RBMS3: variants seen among roughly 807,000 people sequenced by gnomAD.
RBMS3 encodes RNA-binding motif, single-stranded-interacting protein 3.
A neutral mutation model predicts 66.8 loss-of-function variants in RBMS3; 27 were observed. The observed-to-expected ratio is 0.40, with a 90% CI of 0.30 to 0.56. RBMS3 has a LOEUF of 0.56. Among genes scored for constraint, RBMS3 ranks in the 20% least tolerant of loss-of-function variants. The pLI, the probability that RBMS3 is intolerant of heterozygous loss-of-function variation, is 0.40. For missense variants in RBMS3, 513 were observed against 549.5 expected (o/e 0.93, Z 0.66); for synonymous variants, 188 against 183.0 (o/e 1.03, Z -0.22).
intron 4 of RBMS3, among the ~76,000 whole-genome samples, chr3:29,710,523 C>T (rs948271396): frequency 2.0e-5 from 3 of 152,248 alleles, no homozygotes; most frequent in Middle Eastern, 3.4e-3. Flanking sequence ...GCACAGCATT[C>T]GGGGTCAGGC....
chr3:29,610,975 A>C (rs1480684040), intron 4 of RBMS3, among the ~76,000 whole-genome samples: 1 of 152,042 alleles, frequency 6.6e-6, no homozygotes, highest in Non-Finnish European at 1.5e-5. Flanking sequence ...GGATTTGTCA[A>C]GTCTTTGGTG....
chr3:29,840,845 T>A (rs896082151), intron 6 of RBMS3, among the ~76,000 whole-genome samples: 2 of 151,972 alleles, frequency 1.3e-5, no homozygotes, highest in African/African-American at 4.8e-5. Context: ...TTTGCTCCCA[T>A]GCATGGATTT....
chr3:29,317,976 A>T (rs888616628), intron 1 of RBMS3, among the ~76,000 whole-genome samples: 5 of 151,442 alleles, frequency 3.3e-5, no homozygotes, highest in African/African-American at 1.2e-4. Flanking sequence ...ATCTTAGTTA[A>T]TTTTTTTCCC....
chr3:29,543,892 A>C (rs2045855657), intron 3 of RBMS3, among the ~76,000 whole-genome samples: 2 of 152,130 alleles, frequency 1.3e-5, no homozygotes, highest in South Asian at 4.1e-4. Flanking sequence ...AAAATAGAAA[A>C]TATAATTATT....
At chr3:29,448,851 A>C (rs1002855727) in intron 2 of RBMS3, among the ~76,000 whole-genome samples, 1 of 152,230 alleles carries the variant, frequency 6.6e-6, no homozygotes, top group Admixed American at 6.5e-5. Flanking sequence ...AGGCACTAAG[A>C]GGTTAAACAA....
intron 6 of RBMS3, among the ~76,000 whole-genome samples, chr3:29,771,904 A>G (rs1350685841): frequency 6.6e-6 from 1 of 151,996 alleles, no homozygotes; most frequent in Non-Finnish European, 1.5e-5. Context: ...ATCTGCCCCC[A>G]TGATCCAGTC....
intron 3 of RBMS3, among the ~76,000 whole-genome samples, chr3:29,549,968 T>A (rs1288865436): frequency 2.6e-5 from 4 of 152,066 alleles, no homozygotes; most frequent in African/African-American, 7.2e-5. Flanking sequence ...TTAAAAAAAA[T>A]GAAACAAAAA....
Position 29,856,702 on chromosome 3 carries a change from T to C in RBMS3, c.638-12156T>C, listed in dbSNP as rs548364285. Among the ~76,000 whole-genome samples the C allele has an allele frequency of 2.0e-5, 3 of 152,326 alleles. No individual in the cohort carries two copies. The East Asian group carries it at 5.8e-4, about 29-fold the overall frequency. On this transcript the variant is annotated intron_variant, in intron 6 of 14. Coordinates refer to ENST00000383767, the MANE Select transcript of RBMS3 (RefSeq NM_001003793.3). The stretch of plus-strand genomic sequence containing the variant: ...CTAGCACTAAACTAGTTTATCACTT[T>C]GTTTCTATAGCACAGAAGGGTGGGT...
chr3:29,332,402 ACT>A (rs1358288538), intron 1 of RBMS3, among the ~76,000 whole-genome samples: 1 of 151,978 alleles, frequency 6.6e-6, no homozygotes, highest in East Asian at 1.9e-4. Context: ...TCTTGCTCTC[ACT>A]CTGTGTCATC....
chr3:29,961,851 G>A (rs914325667), intron 12 of RBMS3, among the ~76,000 whole-genome samples: 12 of 151,554 alleles, frequency 7.9e-5, no homozygotes, highest in Non-Finnish European at 1.3e-4. Context: ...GATTTGGGTG[G>A]GGACACAGCA....
chr3:29,687,005 A>G (rs758096497), intron 4 of RBMS3, among the ~76,000 whole-genome samples: 12 of 152,312 alleles, frequency 7.9e-5, no homozygotes, highest in Non-Finnish European at 1.6e-4. Flanking sequence ...CTCTACAAGT[A>G]TATCATCAGT....
chr3:29,636,727 C>T (rs975563071), intron 4 of RBMS3, among the ~76,000 whole-genome samples: 9 of 151,878 alleles, frequency 5.9e-5, no homozygotes, highest in South Asian at 4.1e-4. Context: ...TTGCGCAGCA[C>T]GACTTCACAT....
At chr3:29,988,720 C>T (rs982809346) in intron 13 of RBMS3, among the ~76,000 whole-genome samples, 12 of 151,812 alleles carry the variant, frequency 7.9e-5, no homozygotes, top group African/African-American at 2.4e-4. Context: ...ACCAGAAGTT[C>T]GAGACCAGCC....
intron 14 of RBMS3, among the ~76,000 whole-genome samples, chr3:29,997,197 A>T (rs1402244871): frequency 6.6e-6 from 1 of 152,040 alleles, no homozygotes; most frequent in African/African-American, 2.4e-5. Context: ...GGACACATAC[A>T]CTCTCTCAAG....
At chr3:29,995,330 A>AAAAC (rs1330141350) in intron 14 of RBMS3, among the ~76,000 whole-genome samples, 1 of 152,210 alleles carries the variant, frequency 6.6e-6, no homozygotes, top group Admixed American at 6.5e-5. Flanking sequence ...ACCAAGTTGG[A>AAAAC]AAACACTCTG....
At chr3:29,741,080 C>T (rs1310823334) in intron 5 of RBMS3, among the ~76,000 whole-genome samples, 1 of 151,752 alleles carries the variant, frequency 6.6e-6, no homozygotes, top group Admixed American at 6.6e-5. Flanking sequence ...AAACTAACTT[C>T]CGTTAACTCA....
intron 2 of RBMS3, among the ~76,000 whole-genome samples, chr3:29,446,691 C>G (rs1267620587): frequency 6.6e-6 from 1 of 151,960 alleles, no homozygotes; most frequent in Non-Finnish European, 1.5e-5. Context: ...AAAAGGATAC[C>G]AAGCATTTCA....
intron 4 of RBMS3, among the ~76,000 whole-genome samples, chr3:29,673,091 A>G (rs1311047570): frequency 1.3e-5 from 2 of 152,222 alleles, no homozygotes; most frequent in East Asian, 1.9e-4. Context: ...CTCAGGATTA[A>G]GAAACTCAAT....
intron 4 of RBMS3, among the ~76,000 whole-genome samples, chr3:29,710,218 G>A (rs564433825): frequency 6.6e-6 from 1 of 152,066 alleles, no homozygotes; most frequent in East Asian, 1.9e-4. Flanking sequence ...AAAGAACCAG[G>A]CCTTATTAAT....
Sources: allele counts gnomAD v4.1 joint callset (sites outside exome capture counted in the v4.1 genomes callset), GRCh38; gene constraint gnomAD v4.1.1; transcripts MANE v1.5; gene names NCBI Gene and HGNC (gene_info 2026-07-23, HGNC 2026-07-21).